Variants in FSTL4 observed in about 807,000 individuals in gnomAD.
FSTL4 encodes the protein follistatin-related protein 4.
A neutral mutation model predicts 78.2 loss-of-function variants in FSTL4; 28 were observed. The ratio of observed to expected loss-of-function variants is 0.36; its 90% CI spans 0.27 to 0.49. The LOEUF is 0.49. Among genes scored for constraint, FSTL4 ranks in the 20% least tolerant of loss-of-function variants. The pLI is 0.98. For missense variants in FSTL4, 922 were observed against 1,084.9 expected, an observed-to-expected ratio of 0.85 and a Z score of 2.11; for synonymous variants, 422 against 440.5, an observed-to-expected ratio of 0.96 and a Z score of 0.53.
At chr5:133,639,148 C>T in the FSTL4 span, among the ~76,000 whole-genome samples, 1 of 151,998 alleles carries the variant, frequency 6.6e-6, no homozygotes, top group East Asian at 1.9e-4. Flanking sequence ...CCCGACAGGC[C>T]CCAGTGTGTG....
At chr5:133,807,325 T>A in the FSTL4 span, among the ~76,000 whole-genome samples, 403 of 152,320 alleles carry the variant, frequency 2.6e-3, 3 homozygotes, top group South Asian at 0.017. Flanking sequence ...CAGTGCTATA[T>A]AGGGAGACTG....
At chr5:133,335,911 A>G (rs555101986) in intron 4 of FSTL4, among the ~76,000 whole-genome samples, 1 of 152,274 alleles carries the variant, frequency 6.6e-6, no homozygotes, top group South Asian at 2.1e-4. Flanking sequence ...AATGGATCCC[A>G]AGCTATGTGG....
intron 3 of FSTL4, among the ~76,000 whole-genome samples, chr5:133,506,149 TA>T (rs1231164276): frequency 6.6e-6 from 1 of 151,908 alleles, no homozygotes; most frequent in Admixed American, 6.6e-5. Context: ...AATTGTTTTG[TA>T]AAAAAATAAC....
At chr5:133,213,231 G>A (rs1166182749) in intron 13 of FSTL4, among the ~76,000 whole-genome samples, 1 of 152,168 alleles carries the variant, frequency 6.6e-6, no homozygotes, top group Non-Finnish European at 1.5e-5. Flanking sequence ...TCGAACTCCT[G>A]ACCTCAGGTG....
chr5:133,300,231 C>T (rs893496294), intron 6 of FSTL4, among the ~76,000 whole-genome samples: 4 of 152,198 alleles, frequency 2.6e-5, no homozygotes, highest in African/African-American at 9.7e-5. Context: ...AGGAAGGAGA[C>T]ATGGTGGCCA....
the FSTL4 span, among the ~76,000 whole-genome samples, chr5:133,824,753 G>A: frequency 7.2e-5 from 11 of 152,054 alleles, no homozygotes; most frequent in Non-Finnish European, 1.5e-4. Context: ...AAGCACGCAG[G>A]CATCCTTGAG....
chr5:133,666,259 C>T, the FSTL4 span, among the ~76,000 whole-genome samples: 1 of 151,750 alleles, frequency 6.6e-6, no homozygotes, highest in Admixed American at 6.6e-5. Context: ...TTTTTCTTTT[C>T]CAAATCCTGT....
chr5:133,299,113 G>T (rs1280819809), intron 6 of FSTL4, among the ~76,000 whole-genome samples: 2 of 152,200 alleles, frequency 1.3e-5, no homozygotes, highest in Admixed American at 6.5e-5. Flanking sequence ...TGGGGCCTGG[G>T]AATATTTCAT....
At chr5:133,420,249 A>T (rs990229847) in intron 3 of FSTL4, among the ~76,000 whole-genome samples, 2 of 152,216 alleles carry the variant, frequency 1.3e-5, no homozygotes, top group African/African-American at 4.8e-5. Flanking sequence ...GCCTCTGTGA[A>T]TGGGAGGGTT....
chr5:133,211,428 T>C (rs1477621893), intron 13 of FSTL4, among the ~76,000 whole-genome samples: 1 of 152,132 alleles, frequency 6.6e-6, no homozygotes, highest in Non-Finnish European at 1.5e-5. Context: ...TCTTAGTTCC[T>C]TCTTGGTTTC....
chr5:133,455,099 G>C (rs1396271264), intron 3 of FSTL4, among the ~76,000 whole-genome samples: 1 of 152,236 alleles, frequency 6.6e-6, no homozygotes, highest in Non-Finnish European at 1.5e-5. Context: ...AGGGTAGAGA[G>C]ATGAGGGAGA....
the FSTL4 span, among the ~76,000 whole-genome samples, chr5:133,751,085 A>G: frequency 6.6e-6 from 1 of 151,426 alleles, no homozygotes; most frequent in Non-Finnish European, 1.5e-5. Flanking sequence ...CCACCTCTGC[A>G]TGAAGCTTCT....
chr5:133,477,209 G>A (rs572564431), intron 3 of FSTL4, among the ~76,000 whole-genome samples: 3 of 152,106 alleles, frequency 2.0e-5, no homozygotes, highest in South Asian at 4.1e-4. Context: ...AAAAGAAAAA[G>A]AAAAAGCTTA....
chr5:133,204,567 C>A (rs1750431971), intron 14 of FSTL4, among the ~76,000 whole-genome samples: 1 of 152,130 alleles, frequency 6.6e-6, no homozygotes, highest in South Asian at 2.1e-4. Context: ...CATGGTGGCT[C>A]ACACCTGTAA....
chr5:133,558,701 A>C (rs944160294), intron 3 of FSTL4, among the ~76,000 whole-genome samples: 1 of 152,192 alleles, frequency 6.6e-6, no homozygotes, highest in African/African-American at 2.4e-5. Context: ...TGGCCAAGAA[A>C]TATAACCCAA....
intron 4 of FSTL4, among the ~76,000 whole-genome samples, chr5:133,341,823 T>A (rs976082725): frequency 2.6e-5 from 4 of 152,172 alleles, no homozygotes; most frequent in Non-Finnish European, 4.4e-5. Flanking sequence ...AATTCTGTCA[T>A]CCATGATGCA....
intron 6 of FSTL4, among the ~76,000 whole-genome samples, chr5:133,267,736 G>A (rs1752677353): frequency 6.6e-6 from 1 of 152,170 alleles, no homozygotes; most frequent in Admixed American, 6.5e-5. Context: ...ACAGGCAGAA[G>A]AGACTGCTAG....
At chr5:133,240,391 A>C (rs983626661) in intron 7 of FSTL4, among the ~76,000 whole-genome samples, 1 of 152,216 alleles carries the variant, frequency 6.6e-6, no homozygotes, top group African/African-American at 2.4e-5. Flanking sequence ...AACTTGGAGC[A>C]ATCTCTAAGT....
chr5:133,265,804 T>C (rs188916925), intron 6 of FSTL4, among the ~76,000 whole-genome samples: 6 of 152,080 alleles, frequency 3.9e-5, no homozygotes, highest in Admixed American at 3.9e-4. Flanking sequence ...GCCTGTCCCA[T>C]GTGGGGATGT....
Sources: gnomAD v4.1 joint callset for allele counts (sites outside exome capture counted in the v4.1 genomes callset) on GRCh38, gnomAD v4.1.1 for gene constraint, MANE v1.5 for transcripts, NCBI Gene and HGNC (gene_info 2026-07-23, HGNC 2026-07-21) for gene names.